Variants in SKIC3 observed in about 807,000 individuals in gnomAD.
SKIC3 encodes SKI3 subunit of superkiller complex.
chr5:95,521,667 T>G, the SKIC3 span, among the ~76,000 whole-genome samples: 2 of 152,080 alleles, frequency 1.3e-5, no homozygotes, highest in Non-Finnish European at 2.9e-5. Context: ...AAGTTGTCTC[T>G]GAAGTTTAAA....
the SKIC3 span, among the ~76,000 whole-genome samples, chr5:95,499,815 T>C: frequency 6.6e-6 from 1 of 152,166 alleles, no homozygotes; most frequent in South Asian, 2.1e-4. Flanking sequence ...TTAAGGATAA[T>C]TTACATTTTA....
the SKIC3 span, chr5:95,523,612 C>A: frequency 6.3e-7 from 1 of 1,598,410 alleles, no homozygotes. Context: ...TTTATATACT[C>A]AGGATAAAAA....
chr5:95,547,512 TC>T, the SKIC3 span, among the ~76,000 whole-genome samples: 2 of 152,100 alleles, frequency 1.3e-5, no homozygotes, highest in Non-Finnish European at 2.9e-5. Context: ...ATTTTCTGGG[TC>T]CCAACCCCAC....
chr5:95,547,832 T>C, the SKIC3 span, among the ~76,000 whole-genome samples: 1 of 152,070 alleles, frequency 6.6e-6, no homozygotes, highest in Non-Finnish European at 1.5e-5. Flanking sequence ...TAAGAAAGCA[T>C]TGTTTTAATG....
At chr5:95,497,273 TA>T in the SKIC3 span, 141 of 791,350 alleles carry the variant, frequency 1.8e-4, no homozygotes, top group Admixed American at 3.5e-4. Context: ...GTTGAATGAC[TA>T]ATGGAAAATT....
chr5:95,520,938 T>C, the SKIC3 span: 2 of 738,660 alleles, frequency 2.7e-6, no homozygotes. Flanking sequence ...AACTTAACGG[T>C]GTGTTATAAA....
chr5:95,538,559 T>G, the SKIC3 span, among the ~76,000 whole-genome samples: 5 of 152,118 alleles, frequency 3.3e-5, no homozygotes, highest in Non-Finnish European at 7.4e-5. Flanking sequence ...TATTTAAAAA[T>G]TCCACTCAAT....
the SKIC3 span, among the ~76,000 whole-genome samples, chr5:95,516,005 C>G: frequency 6.6e-6 from 1 of 152,086 alleles, no homozygotes; most frequent in Admixed American, 6.6e-5. Flanking sequence ...CTCCCTTGTG[C>G]TCATCCACTC....
chr5:95,540,791 C>T, the SKIC3 span: 2 of 1,614,090 alleles, frequency 1.2e-6, no homozygotes, highest in African/African-American at 2.7e-5. Context: ...GCACCTTGTT[C>T]CTGCCGTGTT....
the SKIC3 span, among the ~76,000 whole-genome samples, chr5:95,535,349 C>T: frequency 8.6e-6 from 1 of 116,156 alleles, no homozygotes; most frequent in East Asian, 2.4e-4. Context: ...CTCGCTCTTT[C>T]GCCCAGGCCG....
the SKIC3 span, among the ~76,000 whole-genome samples, chr5:95,504,239 G>C: frequency 6.6e-6 from 1 of 152,114 alleles, no homozygotes; most frequent in Admixed American, 6.5e-5. Context: ...AGGAGGCTGA[G>C]GCAGGAGAAT....
chr5:95,500,846 A>G, the SKIC3 span, among the ~76,000 whole-genome samples: 1 of 152,208 alleles, frequency 6.6e-6, no homozygotes, highest in Non-Finnish European at 1.5e-5. Flanking sequence ...AGAAATATTT[A>G]TAACATTATA....
chr5:95,478,327 A>C, the SKIC3 span: 7 of 1,613,904 alleles, frequency 4.3e-6, no homozygotes, highest in Non-Finnish European at 5.9e-6. Flanking sequence ...TAGTCTCAAC[A>C]GACTTGAGAG....
At chr5:95,520,855 TATAAA>T in the SKIC3 span, 1 of 1,434,810 alleles carries the variant, frequency 7.0e-7, no homozygotes, top group African/African-American at 1.4e-5. Context: ...TATTAAAACA[TATAAA>T]ATAAACACTT....
the SKIC3 span, chr5:95,464,833 C>A: frequency 8.1e-6 from 5 of 614,104 alleles, no homozygotes; most frequent in East Asian, 3.2e-5. Context: ...ATCTTTCAGT[C>A]ACTTTTGCAG....
At chr5:95,525,873 T>C in the SKIC3 span, among the ~76,000 whole-genome samples, 1 of 152,090 alleles carries the variant, frequency 6.6e-6, no homozygotes. Context: ...ATAAAAAAAT[T>C]ACAGAAACTA....
the SKIC3 span, among the ~76,000 whole-genome samples, chr5:95,494,374 T>G: frequency 6.6e-6 from 1 of 152,192 alleles, no homozygotes; most frequent in African/African-American, 2.4e-5. Flanking sequence ...GCAAGATTGA[T>G]AGAATCTAAA....
chr5:95,535,491 T>C, the SKIC3 span, among the ~76,000 whole-genome samples: 1 of 151,802 alleles, frequency 6.6e-6, no homozygotes, highest in East Asian at 1.9e-4. Flanking sequence ...TTTGTATTTT[T>C]AGTAGAGACG....
At chr5:95,495,884 T>C in the SKIC3 span, among the ~76,000 whole-genome samples, 1 of 152,100 alleles carries the variant, frequency 6.6e-6, no homozygotes, top group African/African-American at 2.4e-5. Flanking sequence ...TAAAAACATA[T>C]TCTTAAAAGC....
Sources: allele counts gnomAD v4.1 joint callset (sites outside exome capture counted in the v4.1 genomes callset), GRCh38; gene constraint gnomAD v4.1.1; transcripts MANE v1.5; gene names NCBI Gene and HGNC (gene_info 2026-07-23, HGNC 2026-07-21).